Variants in CBL observed in about 807,000 individuals in gnomAD.
CBL encodes the protein E3 ubiquitin-protein ligase CBL.
In CBL, 45 loss-of-function variants were observed where a neutral mutation model predicts 96.9. The observed-to-expected ratio is 0.46, with a 90% CI of 0.37 to 0.60. The LOEUF is 0.60. Ranked by LOEUF, CBL falls within the 20% of genes least tolerant of loss-of-function variation. The pLI, the probability that CBL is intolerant of heterozygous loss-of-function variation, is 0.00. For missense variants in CBL, 1,024 were observed against 1,143.5 expected (o/e 0.90, Z 1.51); for synonymous variants, 420 against 426.8 (o/e 0.98, Z 0.20).
chr11:119,226,371 GA>G (rs1456024602), intron 1 of CBL, among the ~76,000 whole-genome samples: 1 of 152,112 alleles, frequency 6.6e-6, no homozygotes, highest in Non-Finnish European at 1.5e-5. Context: ...GATTTTTTTG[GA>G]AACTGTGCAA....
chr11:119,244,675 G>A (rs549600568), intron 2 of CBL, among the ~76,000 whole-genome samples: 31 of 150,018 alleles, frequency 2.1e-4, no homozygotes, highest in African/African-American at 6.2e-4. Flanking sequence ...TCCGCCTCCC[G>A]GGTTCATGCC....
intron 15 of CBL, 64 bp downstream of exon 15, chr11:119,298,604 A>G: frequency 7.2e-7 from 1 of 1,392,370 alleles, no homozygotes; most frequent in Non-Finnish European, 1.0e-6. Flanking sequence ...TTTATATTGA[A>G]AGGGAGATGA....
At chr11:119,206,929 G>T (rs1331510807) in intron 1 of CBL, among the ~76,000 whole-genome samples, 1 of 152,090 alleles carries the variant, frequency 6.6e-6, no homozygotes, top group African/African-American at 2.4e-5. Context: ...AATGAGGGGT[G>T]CGGAGTTTGG....
At chr11:119,206,738 C>A in intron 1 of CBL, 126 bp downstream of exon 1, 1 of 763,262 alleles carries the variant, frequency 1.3e-6, no homozygotes, top group Non-Finnish European at 1.8e-6. Flanking sequence ...AGGCGCGGAG[C>A]CGGGGTGACC....
At chr11:119,232,869 C>T (rs1949515029) in intron 2 of CBL, among the ~76,000 whole-genome samples, 174 bp downstream of exon 2, 1 of 152,162 alleles carries the variant, frequency 6.6e-6, no homozygotes. Flanking sequence ...TGTACTATCC[C>T]TAACTCTGAT....
intron 2 of CBL, among the ~76,000 whole-genome samples, chr11:119,234,585 TA>T (rs1283310822): frequency 1.2e-4 from 19 of 152,334 alleles, no homozygotes; most frequent in African/African-American, 3.8e-4. Flanking sequence ...AAAGGAAAGT[TA>T]AGCATTCAAA....
Position 119,302,687 on chromosome 11 carries a change from C to G in CBL, c.*2906C>G, listed in dbSNP as rs951532631. On this transcript the variant is annotated 3_prime_UTR_variant, in exon 16 of 16. Transcript: ENST00000264033. ...CAGAGCAGCAACTGGACCTTTCCAG[C>G]TGTCGCCATGTTCCTTCCACTAAAG... 3 of 231,514 alleles carry G rather than the reference C, an allele frequency of 1.3e-5. No individual in the cohort carries two copies. Among genetic ancestry groups the G allele is most frequent in the Admixed American group, 5.6e-5 (1 of 17,708 alleles). The allele number at this position is 231,514 out of a possible 1,614,324, so 14.3% of individuals were successfully genotyped here. A position where few individuals can be genotyped will look rare whatever the true frequency, so the allele number is the denominator to read the frequency against.
rs571587441 is a variant in CBL, at chr11:119,301,932, A to T, written c.*2151A>T. On this transcript the variant is annotated 3_prime_UTR_variant, in exon 16 of 16. Transcript: ENST00000264033. ...AAAAGCAGTTTCCAGGCCCATCCAT[A>T]TTGTAATTTTTCTTTATCTGCAGAT... is the stretch of plus-strand genomic sequence containing the variant. 4.3e-6 allele frequency: 1 copy of T among 232,976 alleles called. No homozygotes were observed. The highest frequency in any genetic ancestry group is 8.5e-6 in the Non-Finnish European group (1 of 118,006). 14.4% of individuals were successfully genotyped at this position (232,976 alleles called of 1,614,324 possible).
chr11:119,212,648 G>A (rs1431324688), intron 1 of CBL, among the ~76,000 whole-genome samples: 1 of 151,354 alleles, frequency 6.6e-6, no homozygotes, highest in African/African-American at 2.4e-5. Context: ...ATGAATGAAT[G>A]AATAAATAAA....
intron 1 of CBL, among the ~76,000 whole-genome samples, chr11:119,215,294 T>TCTTCGTCCTC (rs1822738654): frequency 6.6e-6 from 1 of 152,050 alleles, no homozygotes; most frequent in Non-Finnish European, 1.5e-5. Context: ...GGTCCTGGAG[T>TCTTCGTCCTC]CTTCGTCTTC....
At position 119,276,130 on chromosome 11, in the gene CBL, G is replaced by A. The variant is rs1410157226; in HGVS notation, c.1003G>A (p.Gly335Ser). 1 of 1,614,004 alleles carries A rather than the reference G, an allele frequency of 6.2e-7. No individual in the cohort carries two copies. Among genetic ancestry groups the A allele is most frequent in the South Asian group, 1.1e-5 (1 of 91,076 alleles). Residue 335 changes from glycine (G) to serine (S), a missense_variant, in exon 6 of 16, where the codon GGC (glycine) becomes AGC (serine). Transcript: ENST00000264033. ...FQALIDGFRE[G>S]FYLFPDGRNQ... The stretch of plus-strand genomic sequence containing the variant: ...AGCACTGATTGATGGCTTCAGGGAA[G>A]GCTTGTGAGTACCTACTGCATACCA...
intron 2 of CBL, among the ~76,000 whole-genome samples, chr11:119,255,961 C>T (rs1176751492): frequency 6.6e-6 from 1 of 151,564 alleles, no homozygotes; most frequent in Non-Finnish European, 1.5e-5. Flanking sequence ...TCTTGAACTC[C>T]TGGTCTCAAG....
intron 2 of CBL, among the ~76,000 whole-genome samples, chr11:119,235,524 G>A (rs1565860545): frequency 6.6e-6 from 1 of 152,138 alleles, no homozygotes; most frequent in Non-Finnish European, 1.5e-5. Flanking sequence ...ATAGGCTGAG[G>A]AGGAGGAGTA....
chr11:119,220,152 G>A (rs1356796714), intron 1 of CBL, among the ~76,000 whole-genome samples: 2 of 151,856 alleles, frequency 1.3e-5, no homozygotes, highest in Non-Finnish European at 2.9e-5. Context: ...CACTGCACCC[G>A]GCCATGCCTG....
chr11:119,298,887 ATGCTAGCTCTGGAACACACACT>A lies in CBL; in HGVS notation c.2434+348_2434+369del, dbSNP rs1352823328. On this transcript the variant is annotated intron_variant, in intron 15 of 15. Transcript: ENST00000264033. ...GGCTCTGTTCCATTGGAAAGAAGGC[ATGCTAGCTCTGGAACACACACT>A]GAATGGGCCTGGAGCCAGCCCATGT... Among the ~76,000 whole-genome samples, 262 of 152,314 alleles carry A rather than the reference ATGCTAGCTCTGGAACACACACT, an allele frequency of 1.7e-3. 1 individual carries two copies. The highest frequency in any genetic ancestry group is 6.0e-3 in the African/African-American group (249 of 41,564).
At chr11:119,259,691 T>C (rs1423030674) in intron 2 of CBL, among the ~76,000 whole-genome samples, 3 of 152,158 alleles carry the variant, frequency 2.0e-5, no homozygotes, top group Non-Finnish European at 4.4e-5. Context: ...TCATCAAGCT[T>C]ATATAAAAGA....
At chr11:119,261,685 CA>C (rs1217602521) in intron 2 of CBL, among the ~76,000 whole-genome samples, 1 of 152,130 alleles carries the variant, frequency 6.6e-6, no homozygotes. Flanking sequence ...CAATTGTGGG[CA>C]AATGCTCCAG....
chr11:119,264,482 CTTT>C, intron 2 of CBL, among the ~76,000 whole-genome samples: 1 of 144,282 alleles, frequency 6.9e-6, no homozygotes, highest in Non-Finnish European at 1.5e-5. Context: ...TTTCTCTTTT[CTTT>C]TCTTTTCTTT....
At chr11:119,209,626 A>AT (rs1949301224) in intron 1 of CBL, among the ~76,000 whole-genome samples, 1 of 152,206 alleles carries the variant, frequency 6.6e-6, no homozygotes, top group Non-Finnish European at 1.5e-5. Context: ...CAAAAAAAAA[A>AT]AAAAGTCTGT....
Sources: gnomAD v4.1 joint callset for allele counts (sites outside exome capture counted in the v4.1 genomes callset) on GRCh38, gnomAD v4.1.1 for gene constraint, MANE v1.5 for transcripts, NCBI Gene and HGNC (gene_info 2026-07-23, HGNC 2026-07-21) for gene names.